The following RPAP1 variants were observed in gnomAD, a reference collection of about 807,000 sequenced individuals.
RPAP1 encodes RNA polymerase II associated protein 1.
A neutral mutation model predicts 142.4 loss-of-function variants in RPAP1; 109 were observed. That is an observed-to-expected ratio of 0.77 (90% CI 0.66 to 0.90). The LOEUF is 0.90. Among genes scored for constraint, RPAP1 ranks in the 40% least tolerant of loss-of-function variants. RPAP1 has a pLI of 0.00. For synonymous variants in RPAP1, 704 were observed against 738.9 expected, an observed-to-expected ratio of 0.95 and a Z score of 0.77; for missense variants, 1,546 against 1,751.7, an observed-to-expected ratio of 0.88 and a Z score of 2.10.
chr15:41,531,628 T>TATATATACATATATATATATATA (rs1221224553), intron 6 of RPAP1, among the ~76,000 whole-genome samples: 2 of 20,536 alleles, frequency 9.7e-5, no homozygotes, highest in African/African-American at 3.5e-4. Context: ...TATATATATA[T>TATATATACATATATATATATATA]TTTTTTTTTT....
chr15:41,519,383 AT>A (rs773335373), intron 22 of RPAP1, among the ~76,000 whole-genome samples: 2 of 148,416 alleles, frequency 1.3e-5, no homozygotes, highest in Admixed American at 6.7e-5. Context: ...AATTTTTTGT[AT>A]TTTTTTTTAG....
Position 41,542,064 on chromosome 15 carries a change from G to A in RPAP1, c.-77+2155C>T, listed in dbSNP as rs78280930. On this transcript the variant is annotated intron_variant, in intron 1 of 24. Transcript: ENST00000304330. Reference sequence around the variant, plus strand: ...GAGAGTTTACTCTGGGCTGAGCGGTGTACAAGGGGCTGTAAATATAAAGAA... The same window carrying A: ...GAGAGTTTACTCTGGGCTGAGCGGTATACAAGGGGCTGTAAATATAAAGAA... Among the ~76,000 whole-genome samples, 1,060 of 152,268 alleles carry A rather than the reference G, an allele frequency of 7.0e-3. 13 individuals carry two copies. Among genetic ancestry groups the A allele is most frequent in the African/African-American group, 0.025 (1,020 of 41,546 alleles).
chr15:41,517,616 A>G lies in RPAP1; in HGVS notation c.4108T>C (p.Leu1370=), dbSNP rs1380175296. 2.7e-5 allele frequency: 43 copies of G among 1,611,650 alleles called. No homozygotes were observed. The highest frequency in any genetic ancestry group is 3.6e-5 in the Non-Finnish European group (42 of 1,178,716). The change falls in exon 25 of 25, where the codon TTG becomes CTG. Residue 1370 remains leucine, a synonymous_variant. Coordinates refer to ENST00000304330, the MANE Select transcript of RPAP1 (RefSeq NM_015540.4). ...LPEGFELYSQ[L]PPLRQHYLQR... is the part of the protein sequence containing the mutation. ...AGGTAGTGCTGACGCAGAGGGGGCAACTGAGAATAGAGCTCAAAGCCCTCT... is the reference window on the plus strand; with the variant it reads ...AGGTAGTGCTGACGCAGAGGGGGCAGCTGAGAATAGAGCTCAAAGCCCTCT...
intron 22 of RPAP1, chr15:41,519,929 A>C (rs2051706221): frequency 5.1e-6 from 1 of 194,248 alleles, no homozygotes. Context: ...ACACCAGGTT[A>C]AACCCTTTCC....
rs774925238 is a variant in RPAP1, at chr15:41,520,603, G to C, written c.3583C>G (p.Leu1195Val). 4.3e-6 allele frequency: 7 copies of C among 1,614,240 alleles called. No homozygotes were observed. Among genetic ancestry groups the C allele is most frequent in the South Asian group, 1.1e-5 (1 of 91,082 alleles). Reference sequence around the variant, plus strand: ...CCAGGGAGTCGGCAGTCCAGGTTGAGGTTTGGCAAGACTTGAGGCTGACAG... The same window carrying C: ...CCAGGGAGTCGGCAGTCCAGGTTGACGTTTGGCAAGACTTGAGGCTGACAG... Reference protein sequence around the residue: ...QLCQPQVLPNLNLDCRLPGLT... With the variant: ...QLCQPQVLPNVNLDCRLPGLT... The change falls in exon 22 of 25, where the codon CTC becomes GTC. Residue 1195 changes from leucine to valine, a missense_variant. This residue lies in a region of RPAP1 where 210 missense variants were observed against 248.0 expected (regional missense o/e 0.85). Transcript: ENST00000304330.
chr15:41,535,396 C>T, intron 5 of RPAP1, 116 bp downstream of exon 5: 1 of 1,408,334 alleles, frequency 7.1e-7, no homozygotes, highest in Non-Finnish European at 9.6e-7. Context: ...TCTCAGACTA[C>T]TTGAGATGGC....
At chr15:41,526,829 G>A (rs977836697) in intron 14 of RPAP1, 69 bp downstream of exon 14, 1 of 1,467,162 alleles carries the variant, frequency 6.8e-7, no homozygotes, top group African/African-American at 1.4e-5. Context: ...GAGTTCAGGA[G>A]CCATGTTTAG....
chr15:41,530,898 T>G, intron 7 of RPAP1, 125 bp downstream of exon 7: 14 of 894,076 alleles, frequency 1.6e-5, no homozygotes, highest in Non-Finnish European at 2.4e-5. Flanking sequence ...AAGCCAATAA[T>G]GAGGATTAAT....
Position 41,523,480 on chromosome 15 carries a change from A to C in RPAP1, c.2437-126T>G, listed in dbSNP as rs1484557846. 6 of 683,678 alleles carry C rather than the reference A, an allele frequency of 8.8e-6. No individual in the cohort carries two copies. The African/African-American group carries it at 1.1e-4, about 12-fold the overall frequency. The allele number at this position is 683,678 out of a possible 1,614,324, so 42.4% of individuals were successfully genotyped here. A position where few individuals can be genotyped will look rare whatever the true frequency, so the allele number is the denominator to read the frequency against. On this transcript the variant is annotated intron_variant, in intron 17 of 24. Coordinates refer to ENST00000304330, the MANE Select transcript of RPAP1 (RefSeq NM_015540.4). ...CACATTTGGAGGCTTCTGCAGGCTG[A>C]GCCTTCTGAAGGGAGAGAAGGCCCC...
chr15:41,521,989 T>G, intron 20 of RPAP1, 109 bp from the exon 21 acceptor site: 1 of 1,554,692 alleles, frequency 6.4e-7, no homozygotes, highest in Non-Finnish European at 8.8e-7. Context: ...CCAGGGCATG[T>G]CTGGAGGAAA....
At chr15:41,534,480 G>A (rs1019319951) in intron 6 of RPAP1, among the ~76,000 whole-genome samples, 15 of 150,878 alleles carry the variant, frequency 9.9e-5, no homozygotes, top group African/African-American at 2.9e-4. Flanking sequence ...CAGCTACACA[G>A]GAGGCTGAAG....
intron 6 of RPAP1, among the ~76,000 whole-genome samples, chr15:41,534,019 G>A (rs2051882188): frequency 6.6e-6 from 1 of 151,872 alleles, no homozygotes; most frequent in Non-Finnish European, 1.5e-5. Flanking sequence ...ATACTCAGGA[G>A]GCTGAGGCAG....
intron 5 of RPAP1, 73 bp from the exon 6 acceptor site, chr15:41,535,008 A>G: frequency 7.0e-7 from 1 of 1,425,920 alleles, no homozygotes; most frequent in African/African-American, 1.4e-5. Flanking sequence ...GCCTTCTTCT[A>G]TAAGGCTATT....
intron 1 of RPAP1, 135 bp from the exon 2 acceptor site, chr15:41,537,336 C>T (rs1367282763): frequency 1.8e-6 from 1 of 569,438 alleles, no homozygotes; most frequent in Admixed American, 3.1e-5. Flanking sequence ...GCCATTCCCT[C>T]TGTCTTCAGC....
intron 9 of RPAP1, among the ~76,000 whole-genome samples, chr15:41,529,039 G>A (rs2051822435): frequency 6.6e-6 from 1 of 152,156 alleles, no homozygotes; most frequent in Non-Finnish European, 1.5e-5. Flanking sequence ...TACGGAGAGA[G>A]GATCAAGATT....
chr15:41,527,795 C>A, intron 11 of RPAP1, 65 bp downstream of exon 11: 1 of 1,588,872 alleles, frequency 6.3e-7, no homozygotes, highest in South Asian at 1.1e-5. Flanking sequence ...TGGGGCCATG[C>A]CCAGGAACAG....
At position 41,522,123 on chromosome 15, in the gene RPAP1, A is replaced by G; in HGVS notation, c.2870T>C (p.Leu957Pro). Residue 957 changes from leucine to proline, a missense_variant, in exon 20 of 25, where the codon CTG becomes CCG. By Grantham distance (98) the Leu-to-Pro change is moderately conservative (BLOSUM62 -3). Around this residue, in one of 3 missense-constraint regions of RPAP1, gnomAD observed 1,333 missense variants for 1,486.6 expected, o/e 0.90. Coordinates refer to ENST00000304330, the MANE Select transcript of RPAP1 (RefSeq NM_015540.4). Reference protein sequence around the residue: ...ALRHEYHLQYLALALAQKAAA... With the variant: ...ALRHEYHLQYPALALAQKAAA... Reference sequence around the variant, plus strand: ...CGCTTTCTGGGCCAGAGCGAGTGCCAGGTACTGCAGGTGGTACTCATGGCG... The same window carrying G: ...CGCTTTCTGGGCCAGAGCGAGTGCCGGGTACTGCAGGTGGTACTCATGGCG... The G allele has an allele frequency of 6.2e-7, 1 of 1,613,824 alleles. No individual in the cohort carries two copies. The highest frequency in any genetic ancestry group is 8.5e-7 in the Non-Finnish European group (1 of 1,179,982).
rs752564195 is a variant in RPAP1 at position 41,531,047 on chromosome 15, C to A, written c.919G>T (p.Asp307Tyr). The A allele has an allele frequency of 6.2e-7, 1 of 1,612,578 alleles. No individual in the cohort carries two copies. Among genetic ancestry groups the A allele is most frequent in the African/African-American group, 1.3e-5 (1 of 74,898 alleles). Residue 307 changes from aspartate (D) to tyrosine (Y), a missense_variant, in exon 7 of 25, where the codon GAC (aspartate) becomes TAC (tyrosine). By Grantham distance (160) the Asp-to-Tyr change is radical (BLOSUM62 -3). This residue lies in a region of RPAP1 where 1,333 missense variants were observed against 1,486.6 expected (regional missense o/e 0.90). Transcript: ENST00000304330. ...CCTGGGGCTTCTGGCTCCAGCTTGT[C>A]TCTCTTCCTGGGCTCACTGGCAAAA... Reference protein sequence around the residue: ...SAFASEPRKRDKLEPEAPALA... With the variant: ...SAFASEPRKRYKLEPEAPALA...
intron 19 of RPAP1, chr15:41,522,500 C>G: frequency 1.8e-6 from 1 of 566,696 alleles, no homozygotes; most frequent in Non-Finnish European, 3.1e-6. Context: ...AAGTGATTCT[C>G]CTGCCTCAGC....
Sources: gnomAD v4.1 joint callset for allele counts (sites outside exome capture counted in the v4.1 genomes callset) on GRCh38, gnomAD v4.1.1 for gene constraint, gnomAD v4.1.1 regional missense constraint, MANE v1.5 for transcripts, NCBI Gene and HGNC (gene_info 2026-07-23, HGNC 2026-07-21) for gene names.